Variants in LMF1 observed in about 807,000 individuals in gnomAD.
LMF1 encodes transmembrane protein 112.
A neutral mutation model predicts 60.6 loss-of-function variants in LMF1; 68 were observed. The observed-to-expected ratio is 1.12, with a 90% CI of 0.92 to 1.37. LMF1 has a LOEUF of 1.37. LMF1 is among the 40% of genes most tolerant of loss of function. The probability of loss-of-function intolerance (pLI) is 0.00; values close to 1 mark genes in which losing one functional copy is unlikely to be tolerated. For synonymous variants in LMF1, 418 were observed against 324.7 expected (o/e 1.29, Z -3.09); for missense variants, 948 against 767.2 (o/e 1.24, Z -2.78).
At chr16:930,887 G>C (rs980302792) in intron 3 of LMF1, among the ~76,000 whole-genome samples, 3 of 152,236 alleles carry the variant, frequency 2.0e-5, no homozygotes, top group African/African-American at 4.8e-5. Flanking sequence ...TTGGGAGGCT[G>C]AGGTGGGCGG....
chr16:959,325 T>A (rs1355651189), intron 1 of LMF1, among the ~76,000 whole-genome samples: 1 of 152,314 alleles, frequency 6.6e-6, no homozygotes, highest in East Asian at 1.9e-4. Flanking sequence ...CAACAGGCTA[T>A]ATACTGCGTG....
Position 918,617 on chromosome 16 carries a change from C to T in LMF1, c.515-7538G>A, listed in dbSNP as rs1196893869. Reference sequence around the variant, plus strand: ...GAGACCCCAGAAAAGTGCTGGCCATCGTGGGCTGCGGGGACGTTGTGCCCA... The same window carrying T: ...GAGACCCCAGAAAAGTGCTGGCCATTGTGGGCTGCGGGGACGTTGTGCCCA... On this transcript the variant is annotated intron_variant, in intron 3 of 10. Coordinates refer to ENST00000262301, the MANE Select transcript of LMF1 (RefSeq NM_022773.4). Among the ~76,000 whole-genome samples the T allele has an allele frequency of 3.3e-5, 5 of 152,084 alleles. 1 individual carries two copies. The highest frequency in any genetic ancestry group is 2.6e-4 in the Admixed American group (4 of 15,278).
intron 2 of LMF1, 96 bp downstream of exon 2, chr16:954,261 C>T (rs758528779): frequency 5.3e-5 from 67 of 1,252,856 alleles, no homozygotes; most frequent in Non-Finnish European, 7.0e-5. Context: ...TTAAGATAAA[C>T]GCTCGTCCAG....
Position 909,557 on chromosome 16 carries a change from G to A in LMF1, c.663+1374C>T, listed in dbSNP as rs113536437. ...ACCAAGCCACGCTATGCAGAACCAT[G>A]CTACACGCTACAGCAAGCCACGCTA... On this transcript the variant is annotated intron_variant, in intron 4 of 10. Coordinates refer to ENST00000262301, the MANE Select transcript of LMF1 (RefSeq NM_022773.4). 6.1e-3 allele frequency among the ~76,000 whole-genome samples: 925 copies of A among 152,208 alleles called. 13 individuals are homozygous for A. Among genetic ancestry groups the A allele is most frequent in the African/African-American group, 0.021 (861 of 41,510 alleles).
intron 3 of LMF1, among the ~76,000 whole-genome samples, chr16:918,041 C>T (rs573127331): frequency 2.0e-5 from 3 of 152,314 alleles, no homozygotes; most frequent in East Asian, 1.9e-4. Flanking sequence ...TGGCGCGGGG[C>T]GGCTGGCTGG....
At chr16:956,892 C>T (rs1041007770) in intron 1 of LMF1, among the ~76,000 whole-genome samples, 3 of 150,912 alleles carry the variant, frequency 2.0e-5, no homozygotes, top group Non-Finnish European at 4.4e-5. Context: ...CGGTGGCTCA[C>T]GCCTGTAATT....
At chr16:950,522 G>A (rs1429669188) in intron 2 of LMF1, among the ~76,000 whole-genome samples, 4 of 95,480 alleles carry the variant, frequency 4.2e-5, no homozygotes, top group African/African-American at 6.2e-5. Context: ...AGTCAGAGAC[G>A]ACAGAGTCAG....
Position 962,358 on chromosome 16 carries a change from A to T in LMF1, c.194-7692T>A, listed in dbSNP as rs1475207960. Among the ~76,000 whole-genome samples, 1 of 152,270 alleles carries T rather than the reference A, an allele frequency of 6.6e-6. No homozygotes were observed. Among genetic ancestry groups the T allele is most frequent in the Non-Finnish European group, 1.5e-5 (1 of 68,050 alleles). On this transcript the variant is annotated intron_variant, in intron 1 of 10. Transcript: ENST00000262301. This position sits in a 1 kb window ranked among gnomAD's most constrained non-coding sequence, Gnocchi z 4.5. Reference sequence around the variant, plus strand: ...AAGTAAGTAACAAGATCTTCCTCACAGAGGAATTCCACATAATGTCCGCAG... The same window carrying T: ...AAGTAAGTAACAAGATCTTCCTCACTGAGGAATTCCACATAATGTCCGCAG...
intron 4 of LMF1, among the ~76,000 whole-genome samples, chr16:909,579 G>A (rs1163852082): frequency 1.3e-5 from 2 of 152,108 alleles, no homozygotes; most frequent in Non-Finnish European, 2.9e-5. Context: ...AGCAAGCCAC[G>A]CTACACACTA....
upstream of LMF1, among the ~76,000 whole-genome samples, chr16:972,855 C>T (rs1051243713): frequency 6.6e-6 from 1 of 152,230 alleles, no homozygotes; most frequent in Non-Finnish European, 1.5e-5. Context: ...GCTGGGAGCT[C>T]CTGTTCTCTC....
At chr16:928,898 C>T (rs1026061291) in intron 3 of LMF1, among the ~76,000 whole-genome samples, 2 of 152,208 alleles carry the variant, frequency 1.3e-5, no homozygotes, top group East Asian at 1.9e-4. Flanking sequence ...GGGCCTAAAA[C>T]ACTCCAAAGG....
intron 1 of LMF1, among the ~76,000 whole-genome samples, chr16:967,012 G>A (rs535899678): frequency 6.6e-6 from 1 of 152,246 alleles, no homozygotes; most frequent in African/African-American, 2.4e-5. Flanking sequence ...AACCCACCCA[G>A]GGTGGGCAGC....
chr16:903,093 T>C (rs1321689512), intron 4 of LMF1: 3 of 60,078 alleles, frequency 5.0e-5, no homozygotes, highest in Non-Finnish European at 8.0e-5. Flanking sequence ...TGGTGACCTC[T>C]GCACTGCCCA....
intron 3 of LMF1, among the ~76,000 whole-genome samples, chr16:913,210 C>T (rs1248316474): frequency 2.0e-5 from 3 of 152,238 alleles, no homozygotes; most frequent in Non-Finnish European, 4.4e-5. Flanking sequence ...CACTCCACGG[C>T]TCCGGCGTCG....
chr16:904,902 C>A (rs1350602734), intron 4 of LMF1: 1 of 92,064 alleles, frequency 1.1e-5, no homozygotes, highest in Non-Finnish European at 1.9e-5. Flanking sequence ...GTGACCTCTG[C>A]ATCGCCCACA....
At chr16:975,726 A>C (rs554096597), upstream of LMF1, 1 of 441,930 alleles carries the variant, frequency 2.3e-6, no homozygotes, top group East Asian at 7.1e-5. Context: ...TTCCTTCCCC[A>C]CGCTCAGAAA....
chr16:970,673 G>A, intron 1 of LMF1, 115 bp downstream of exon 1: 2 of 963,810 alleles, frequency 2.1e-6, no homozygotes, highest in East Asian at 3.2e-5. Context: ...CAGGAAGGAG[G>A]GCTGCGTGGG....
At chr16:970,313 C>T (rs1387009038) in intron 1 of LMF1, among the ~76,000 whole-genome samples, 4 of 152,228 alleles carry the variant, frequency 2.6e-5, no homozygotes, top group Non-Finnish European at 5.9e-5. Context: ...CAGTGGGAAC[C>T]TTCACCGTCA....
intron 5 of LMF1, among the ~76,000 whole-genome samples, chr16:887,349 G>A (rs1216252578): frequency 6.6e-6 from 1 of 152,244 alleles, no homozygotes; most frequent in Admixed American, 6.5e-5. Context: ...CCTGACACGG[G>A]GATGCACCAG....
Sources: gnomAD v4.1 joint callset for allele counts (sites outside exome capture counted in the v4.1 genomes callset) on GRCh38, gnomAD v4.1.1 for gene constraint, Gnocchi (gnomAD v3.1) non-coding constraint, MANE v1.5 for transcripts, NCBI Gene and HGNC (gene_info 2026-07-23, HGNC 2026-07-21) for gene names.